Variants in FGF12 observed in about 807,000 individuals in gnomAD.
FGF12 encodes fibroblast growth factor 12B.
In FGF12, 14 loss-of-function variants were observed where a neutral mutation model predicts 23.6. That is an observed-to-expected ratio of 0.59 (90% CI 0.39 to 0.93). FGF12 has a LOEUF of 0.93. Ranked by LOEUF, FGF12 falls within the 40% of genes least tolerant of loss-of-function variation. The probability of loss-of-function intolerance (pLI) is 0.00; values close to 1 mark genes in which losing one functional copy is unlikely to be tolerated. For missense variants in FGF12, 175 were observed against 217.8 expected (o/e 0.80, Z 1.24); for synonymous variants, 62 against 77.3 (o/e 0.80, Z 1.04).
intron 4 of FGF12, among the ~76,000 whole-genome samples, chr3:192,244,120 T>A (rs537759907): frequency 6.6e-6 from 1 of 152,280 alleles, no homozygotes; most frequent in East Asian, 1.9e-4. Context: ...TATTTCTTTA[T>A]TGAGTGTAAA....
chr3:192,654,570 G>T (rs1291218872), intron 2 of FGF12, among the ~76,000 whole-genome samples: 1 of 152,130 alleles, frequency 6.6e-6, no homozygotes, highest in Non-Finnish European at 1.5e-5. Flanking sequence ...TTTAAGAAGG[G>T]ACACAACAAA....
At chr3:192,506,791 G>C (rs1341842009) in intron 2 of FGF12, among the ~76,000 whole-genome samples, 1 of 152,028 alleles carries the variant, frequency 6.6e-6, no homozygotes, top group Non-Finnish European at 1.5e-5. Context: ...ACAGCCGTAT[G>C]ATCTCCATTT....
chr3:192,556,871 A>G (rs1711802580), intron 2 of FGF12, among the ~76,000 whole-genome samples: 1 of 152,146 alleles, frequency 6.6e-6, no homozygotes, highest in Admixed American at 6.5e-5. Flanking sequence ...CAATGGATTG[A>G]AACTAGAAAT....
chr3:192,158,367 T>TTTCTTTCTTTCTTTCTTTTCTTTC, intron 5 of FGF12, among the ~76,000 whole-genome samples: 1 of 122,552 alleles, frequency 8.2e-6, no homozygotes, highest in South Asian at 2.7e-4. Context: ...TCTTTCTTTC[T>TTTCTTTCTTTCTTTCTTTTCTTTC]TTCTTTCTTT....
intron 4 of FGF12, among the ~76,000 whole-genome samples, chr3:192,277,655 ATTCTTT>A: frequency 6.6e-6 from 1 of 152,162 alleles, no homozygotes; most frequent in South Asian, 2.1e-4. Context: ...TACAGTGAAC[ATTCTTT>A]CCTCCTTGCG....
chr3:192,686,700 A>G (rs1193868216), intron 2 of FGF12, among the ~76,000 whole-genome samples: 1 of 151,256 alleles, frequency 6.6e-6, no homozygotes, highest in Admixed American at 6.6e-5. Flanking sequence ...TCAGGGATGG[A>G]GGTATATGAG....
At chr3:192,343,654 T>C (rs1465318820) in intron 3 of FGF12, among the ~76,000 whole-genome samples, 1 of 152,136 alleles carries the variant, frequency 6.6e-6, no homozygotes, top group Non-Finnish European at 1.5e-5. Flanking sequence ...AGTGGTTATA[T>C]AAATTATGGT....
rs151008569 is a variant in FGF12 at position 192,607,539 on chromosome 3, T to C, written c.13+119642A>G. Among the ~76,000 whole-genome samples the C allele has an allele frequency of 5.1e-3, 776 of 152,200 alleles. 5 individuals carry two copies. Among genetic ancestry groups the C allele is most frequent in the African/African-American group, 0.018 (729 of 41,522 alleles). On this transcript the variant is annotated intron_variant, in intron 2 of 5. Coordinates refer to ENST00000445105, the MANE Select transcript of FGF12 (RefSeq NM_004113.6). ...GTGCCAGGGTGAAGGGAAGACTAAA[T>C]ATGATGTCAATGCCATTACAAATGC...
chr3:192,460,685 TATA>T (rs1560118028), intron 2 of FGF12, among the ~76,000 whole-genome samples: 14 of 122,962 alleles, frequency 1.1e-4, no homozygotes, highest in African/African-American at 7.4e-4. Flanking sequence ...CATATATTTA[TATA>T]TATATATATA....
At chr3:192,169,037 G>A (rs1019901022) in intron 5 of FGF12, among the ~76,000 whole-genome samples, 1 of 151,986 alleles carries the variant, frequency 6.6e-6, no homozygotes, top group African/African-American at 2.4e-5. Flanking sequence ...TGAACAAAAT[G>A]AGCCCAATAA....
intron 2 of FGF12, among the ~76,000 whole-genome samples, chr3:192,491,488 T>A (rs1363473827): frequency 6.6e-6 from 1 of 152,144 alleles, no homozygotes; most frequent in Non-Finnish European, 1.5e-5. Flanking sequence ...GAAGACTCAT[T>A]GGATGAAAAA....
chr3:192,171,117 A>G (rs112823735), intron 4 of FGF12, among the ~76,000 whole-genome samples: 162 of 152,344 alleles, frequency 1.1e-3, no homozygotes, highest in African/African-American at 3.7e-3. Context: ...TTACACAGCC[A>G]CAGCTTGGTC....
intron 4 of FGF12, among the ~76,000 whole-genome samples, chr3:192,328,384 A>G (rs1207808218): frequency 6.6e-6 from 1 of 152,200 alleles, no homozygotes; most frequent in African/African-American, 2.4e-5. Context: ...ACAGACGCCA[A>G]TGACATCTCT....
intron 2 of FGF12, among the ~76,000 whole-genome samples, chr3:192,465,862 G>A (rs962445767): frequency 6.6e-6 from 1 of 152,152 alleles, no homozygotes; most frequent in Admixed American, 6.5e-5. Context: ...AACATCAGAA[G>A]CCTCCGCATG....
At chr3:192,570,296 G>C (rs369533615) in intron 2 of FGF12, among the ~76,000 whole-genome samples, 3 of 152,300 alleles carry the variant, frequency 2.0e-5, no homozygotes, top group East Asian at 3.9e-4. Context: ...GGAAATCCAA[G>C]TAGAGAGCTC....
At chr3:192,361,256 A>G (rs903317627) in intron 2 of FGF12, among the ~76,000 whole-genome samples, 3 of 152,050 alleles carry the variant, frequency 2.0e-5, no homozygotes, top group African/African-American at 7.2e-5. Context: ...AAAACCCTCT[A>G]AACACAAATA....
rs141214475 is a variant in FGF12 at position 192,615,194 on chromosome 3, C to A, written c.13+111987G>T. ...ATGACAGGAAGAAAATAATATAAAC[C>A]TTTTAAAAAAATTTTAAAGAGATTA... On this transcript the variant is annotated intron_variant, in intron 2 of 5. Coordinates refer to ENST00000445105, the MANE Select transcript of FGF12 (RefSeq NM_004113.6). Among the ~76,000 whole-genome samples, 40 of 151,854 alleles carry A rather than the reference C, an allele frequency of 2.6e-4. No homozygotes were observed. In the East Asian group the frequency reaches 7.2e-3, roughly 27 times the overall value.
At chr3:192,171,744 C>T (rs1326701382) in intron 4 of FGF12, among the ~76,000 whole-genome samples, 1 of 152,126 alleles carries the variant, frequency 6.6e-6, no homozygotes, top group Non-Finnish European at 1.5e-5. Flanking sequence ...GTGTGAGACT[C>T]CCATGATTTA....
chr3:192,586,101 T>C (rs1349234793), intron 2 of FGF12, among the ~76,000 whole-genome samples: 1 of 152,156 alleles, frequency 6.6e-6, no homozygotes, highest in East Asian at 1.9e-4. Flanking sequence ...AAAGCCACCA[T>C]ACACAAACTG....
Sources: allele counts gnomAD v4.1 joint callset (sites outside exome capture counted in the v4.1 genomes callset), GRCh38; gene constraint gnomAD v4.1.1; transcripts MANE v1.5; gene names NCBI Gene and HGNC (gene_info 2026-07-23, HGNC 2026-07-21).